The following EML6 variants were observed in gnomAD, a reference collection of about 807,000 sequenced individuals.
EML6 encodes echinoderm microtubule-associated protein-like 6.
Under a neutral mutation model 240.1 loss-of-function variants are expected in EML6, and 154 were observed. The ratio of observed to expected loss-of-function variants is 0.64; its 90% CI spans 0.56 to 0.73. The LOEUF (loss-of-function observed/expected upper bound fraction) is 0.73, where lower values mean the gene tolerates loss of function less well. Among genes scored for constraint, EML6 ranks in the 30% least tolerant of loss-of-function variants. The pLI is 0.00. For missense variants in EML6, 2,964 were observed against 2,474.6 expected, an observed-to-expected ratio of 1.20 and a Z score of -4.20; for synonymous variants, 1,148 against 899.0, an observed-to-expected ratio of 1.28 and a Z score of -4.95.
intron 25 of EML6, among the ~76,000 whole-genome samples, chr2:54,912,678 C>T (rs184548870): frequency 9.7e-4 from 147 of 152,228 alleles, no homozygotes; most frequent in Middle Eastern, 3.4e-3. Flanking sequence ...TCTGTTCCTG[C>T]GTTAATTCTC....
rs575319304 is a variant in EML6 at position 54,871,690 on chromosome 2, C to T, written c.2344+85C>T. ...AGTATGCCCCGCGCATGCGCGCACG[C>T]GTGTGTGTGTATTTAAACATGCTCC... On this transcript the variant is annotated intron_variant, in intron 16 of 41. Transcript: ENST00000356458. 1,100 of 943,392 alleles carry T rather than the reference C, an allele frequency of 1.2e-3. 3 individuals carry two copies. The highest frequency in any genetic ancestry group is 1.7e-3 in the Non-Finnish European group (1,025 of 594,972). 58.4% of individuals were successfully genotyped at this position (943,392 alleles called of 1,614,324 possible).
chr2:54,884,323 TCTC>T (rs1340986833), intron 17 of EML6, among the ~76,000 whole-genome samples: 1 of 152,158 alleles, frequency 6.6e-6, no homozygotes. Context: ...CCTCCAGGGA[TCTC>T]CTTGTGTTCA....
intron 2 of EML6, among the ~76,000 whole-genome samples, chr2:54,728,555 G>A (rs1683013257): frequency 6.6e-6 from 1 of 152,196 alleles, no homozygotes; most frequent in East Asian, 1.9e-4. Context: ...TTTACCGGGG[G>A]TATCTGGGTG....
intron 9 of EML6, 145 bp downstream of exon 9, chr2:54,847,768 T>A: frequency 1.1e-6 from 1 of 925,974 alleles, no homozygotes; most frequent in Non-Finnish European, 1.6e-6. Context: ...ATCCCCTATC[T>A]GTAATTCTGA....
intron 13 of EML6, among the ~76,000 whole-genome samples, chr2:54,864,631 C>T (rs1273511330): frequency 6.6e-6 from 1 of 152,216 alleles, no homozygotes; most frequent in Non-Finnish European, 1.5e-5. Flanking sequence ...CTTCAAATTT[C>T]AGATACATGA....
chr2:54,802,091 T>A (rs1038037049), intron 2 of EML6, among the ~76,000 whole-genome samples: 1 of 152,150 alleles, frequency 6.6e-6, no homozygotes, highest in Non-Finnish European at 1.5e-5. Flanking sequence ...CATTATAGGC[T>A]AGGCACGGTG....
At chr2:54,901,451 G>A (rs1673052091) in intron 22 of EML6, among the ~76,000 whole-genome samples, 1 of 152,184 alleles carries the variant, frequency 6.6e-6, no homozygotes, top group Non-Finnish European at 1.5e-5. Context: ...AGTCCTCACT[G>A]TGAAGGACTT....
chr2:54,918,830 A>G (rs1573141214), intron 26 of EML6, among the ~76,000 whole-genome samples: 1 of 152,114 alleles, frequency 6.6e-6, no homozygotes, highest in Admixed American at 6.5e-5. Context: ...CTTCTAATAA[A>G]CCAACCAATA....
rs533169241 is a variant in EML6, at chr2:54,808,807, G to A, written c.198-4425G>A. On this transcript the variant is annotated intron_variant, in intron 2 of 41. Coordinates refer to ENST00000356458, the MANE Select transcript of EML6 (RefSeq NM_001039753.4). ...TTTCACAAGATGTTTGGAAATCTTC[G>A]TGATCTTATCTGACATCAGGAAGAC... 5.9e-4 allele frequency among the ~76,000 whole-genome samples: 90 copies of A among 152,070 alleles called. 1 individual carries two copies. The highest frequency in any genetic ancestry group is 8.5e-4 in the Admixed American group (13 of 15,266).
chr2:54,765,920 G>C lies in EML6; in HGVS notation c.197+40662G>C, dbSNP rs190666389. On this transcript the variant is annotated intron_variant, in intron 2 of 41. Coordinates refer to ENST00000356458, the MANE Select transcript of EML6 (RefSeq NM_001039753.4). ...CTTAGAAAAGTTCCAAGATGTGTAA[G>C]AAGAATACCAATATACCTTTCACCC... Among the ~76,000 whole-genome samples the C allele has an allele frequency of 1.2e-3, 186 of 152,180 alleles. 2 individuals are homozygous for C. Among genetic ancestry groups the C allele is most frequent in the African/African-American group, 4.0e-3 (168 of 41,502 alleles).
At chr2:54,840,745 C>G (rs897130392) in intron 7 of EML6, among the ~76,000 whole-genome samples, 1 of 152,184 alleles carries the variant, frequency 6.6e-6, no homozygotes, top group Admixed American at 6.5e-5. Context: ...GTCACTGTGC[C>G]AGGTATTGAG....
intron 7 of EML6, among the ~76,000 whole-genome samples, chr2:54,832,492 C>T (rs1489570358): frequency 1.3e-5 from 2 of 152,068 alleles, no homozygotes; most frequent in Non-Finnish European, 2.9e-5. Flanking sequence ...GAGGTGTGCC[C>T]CAAATCCAAA....
chr2:54,957,836 G>C lies in EML6; in HGVS notation c.4533G>C (p.Val1511=), dbSNP rs780302858. The C allele has an allele frequency of 7.7e-6, 12 of 1,550,412 alleles. No homozygotes were observed. The highest frequency in any genetic ancestry group is 9.6e-6 in the Non-Finnish European group (11 of 1,147,008). Residue 1511 remains valine, a synonymous_variant, in exon 33 of 42, where the codon GTG becomes GTC. Transcript: ENST00000356458. ...SRGGHLERIF[V]VEFRPDSDTQ... ...GGGGTCACCTGGAGCGCATATTTGT[G>C]GTGGAATTTCGCCCCGACTCAGACA...
chr2:54,844,144 G>A lies in EML6; in HGVS notation c.945G>A (p.Lys315=), dbSNP rs1289163194. ...IFEVIVRERD[K]PMLILQGHCE... ...AAGTGATTGTGCGAGAGCGAGACAA[G>A]CCGATGTTGATCCTACAGGGCCACT... Residue 315 remains lysine (K), a synonymous_variant, in exon 8 of 42, where the codon AAG becomes AAA. Transcript: ENST00000356458. The A allele has an allele frequency of 1.3e-6, 2 of 1,551,612 alleles. No individual in the cohort carries two copies. Among genetic ancestry groups the A allele is most frequent in the African/African-American group, 2.7e-5 (2 of 73,044 alleles).
chr2:54,940,171 A>G (rs1675356744), intron 28 of EML6, among the ~76,000 whole-genome samples: 2 of 152,228 alleles, frequency 1.3e-5, no homozygotes, highest in Non-Finnish European at 2.9e-5. Flanking sequence ...ATTCCACTGT[A>G]GTATTAGCAT....
At chr2:54,817,020 T>A (rs1668111412) in intron 4 of EML6, 135 bp downstream of exon 4, 1 of 596,154 alleles carries the variant, frequency 1.7e-6, no homozygotes, top group Admixed American at 2.8e-5. Context: ...ATAATCATCC[T>A]CTTTTTTCAT....
chr2:54,914,148 C>A (rs554360642), intron 25 of EML6, among the ~76,000 whole-genome samples: 1 of 152,122 alleles, frequency 6.6e-6, no homozygotes, highest in Non-Finnish European at 1.5e-5. Context: ...TTTTTTGGCT[C>A]CATATGAATT....
intron 2 of EML6, among the ~76,000 whole-genome samples, chr2:54,809,605 T>A (rs1667723292): frequency 6.6e-6 from 1 of 152,164 alleles, no homozygotes; most frequent in Non-Finnish European, 1.5e-5. Context: ...TGGACTTGGT[T>A]TCATTTGGGG....
At chr2:54,905,041 G>A (rs573962237) in intron 24 of EML6, among the ~76,000 whole-genome samples, 6 of 152,258 alleles carry the variant, frequency 3.9e-5, no homozygotes, top group African/African-American at 1.4e-4. Flanking sequence ...AAAGGTACAA[G>A]TCCCAACAAG....
Sources: gnomAD v4.1 joint callset for allele counts (sites outside exome capture counted in the v4.1 genomes callset) on GRCh38, gnomAD v4.1.1 for gene constraint, MANE v1.5 for transcripts, NCBI Gene and HGNC (gene_info 2026-07-23, HGNC 2026-07-21) for gene names.